The following NALF1 variants were observed in gnomAD, a reference collection of about 807,000 sequenced individuals.
NALF1 encodes the protein NALCN channel auxiliary factor 1.
Under a neutral mutation model 48.4 loss-of-function variants are expected in NALF1, and 3 were observed. That is an observed-to-expected ratio of 0.06 (90% CI 0.03 to 0.16). The LOEUF is 0.16. Ranked by LOEUF, NALF1 falls within the 10% of genes least tolerant of loss-of-function variation. NALF1 has a pLI of 1.00. For synonymous variants in NALF1, 262 were observed against 245.7 expected, an observed-to-expected ratio of 1.07 and a Z score of -0.62; for missense variants, 526 against 571.5, an observed-to-expected ratio of 0.92 and a Z score of 0.81.
chr13:107,778,870 T>C (rs904645788), intron 1 of NALF1, among the ~76,000 whole-genome samples: 2 of 152,240 alleles, frequency 1.3e-5, no homozygotes, highest in African/African-American at 4.8e-5. Flanking sequence ...CAGTTCTCAC[T>C]ATCCAACTAT....
At position 107,494,496 on chromosome 13, in the gene NALF1, C is replaced by G. The variant is rs777797391; in HGVS notation, c.916-283741G>C. On this transcript the variant is annotated intron_variant, in intron 1 of 2. Transcript: ENST00000375915. ...TAGATATGGCATAGAACGGTCTATC[C>G]ATGGTTGCCTGTGCTGTTTGTCCCC... Among the ~76,000 whole-genome samples the G allele has an allele frequency of 1.2e-4, 19 of 152,132 alleles. 1 individual carries two copies. Among genetic ancestry groups the G allele is most frequent in the Non-Finnish European group, 2.5e-4 (17 of 68,030 alleles).
intron 1 of NALF1, among the ~76,000 whole-genome samples, chr13:107,473,929 T>C (rs1413653367): frequency 6.6e-6 from 1 of 152,102 alleles, no homozygotes; most frequent in Non-Finnish European, 1.5e-5. Flanking sequence ...CTTGTATGTG[T>C]TTTTCCCTGT....
At chr13:107,352,811 A>T (rs776554937) in intron 1 of NALF1, among the ~76,000 whole-genome samples, 1 of 152,166 alleles carries the variant, frequency 6.6e-6, no homozygotes, top group Non-Finnish European at 1.5e-5. Context: ...ATACAAGAAG[A>T]GACCTTTTCT....
At chr13:107,521,924 T>TACAC (rs894148949) in intron 1 of NALF1, among the ~76,000 whole-genome samples, 61 of 148,250 alleles carry the variant, frequency 4.1e-4, no homozygotes, top group Non-Finnish European at 7.0e-4. Flanking sequence ...TTCTTCAACT[T>TACAC]ACACACACAC....
At chr13:107,295,207 T>G (rs1350430644) in intron 1 of NALF1, among the ~76,000 whole-genome samples, 2 of 152,194 alleles carry the variant, frequency 1.3e-5, no homozygotes, top group Non-Finnish European at 2.9e-5. Context: ...GTACTCAATG[T>G]TTAGTTCCTG....
chr13:107,624,915 A>C (rs1423386586), intron 1 of NALF1, among the ~76,000 whole-genome samples: 1 of 152,224 alleles, frequency 6.6e-6, no homozygotes, highest in Non-Finnish European at 1.5e-5. Context: ...TTTCCAGAGG[A>C]AAAAGTAAAT....
At chr13:107,826,491 T>C (rs574882775) in intron 1 of NALF1, among the ~76,000 whole-genome samples, 2 of 152,248 alleles carry the variant, frequency 1.3e-5, no homozygotes, top group South Asian at 2.1e-4. Flanking sequence ...TGTATAACAG[T>C]CCAGTATGAA....
At chr13:107,585,780 G>T (rs11618084) in intron 1 of NALF1, among the ~76,000 whole-genome samples, 80,968 of 151,796 alleles carry the variant, frequency 0.53, 22,334 homozygotes, top group African/African-American at 0.64. Flanking sequence ...TTATTTTTTC[G>T]GCCATTACCA....
intron 1 of NALF1, among the ~76,000 whole-genome samples, chr13:107,228,456 C>G (rs1181178706): frequency 6.6e-6 from 1 of 152,206 alleles, no homozygotes; most frequent in African/African-American, 2.4e-5. Context: ...CAATGTAAAC[C>G]TCTGCCTGCA....
chr13:107,287,161 G>A (rs1027388454), intron 1 of NALF1, among the ~76,000 whole-genome samples: 1 of 152,152 alleles, frequency 6.6e-6, no homozygotes, highest in Non-Finnish European at 1.5e-5. Flanking sequence ...TGCTGTTAGT[G>A]ACTAAAAACA....
At chr13:107,219,965 T>C (rs1431138680) in intron 1 of NALF1, among the ~76,000 whole-genome samples, 1 of 152,248 alleles carries the variant, frequency 6.6e-6, no homozygotes, top group East Asian at 1.9e-4. Flanking sequence ...ATAATGCTTT[T>C]GGTATGTATC....
intron 1 of NALF1, among the ~76,000 whole-genome samples, chr13:107,837,584 G>T (rs952527500): frequency 1.3e-5 from 2 of 152,140 alleles, no homozygotes; most frequent in Non-Finnish European, 2.9e-5. Flanking sequence ...AAAGAGAGGG[G>T]AGATGCTGAG....
chr13:107,379,135 C>A (rs1665561136), intron 1 of NALF1, among the ~76,000 whole-genome samples: 1 of 152,256 alleles, frequency 6.6e-6, no homozygotes, highest in African/African-American at 2.4e-5. Flanking sequence ...TATAGACCAC[C>A]TTGCAAGTTA....
At chr13:107,441,234 T>C (rs1884554077) in intron 1 of NALF1, among the ~76,000 whole-genome samples, 1 of 152,148 alleles carries the variant, frequency 6.6e-6, no homozygotes, top group Non-Finnish European at 1.5e-5. Context: ...TCACTGTTGG[T>C]CCAACCAACA....
chr13:107,632,159 T>C lies in NALF1; in HGVS notation c.915+233523A>G, dbSNP rs539763256. Among the ~76,000 whole-genome samples the C allele has an allele frequency of 9.8e-5, 15 of 152,328 alleles. No individual in the cohort carries two copies. In the South Asian group the frequency reaches 2.9e-3, roughly 29 times the overall value. ...CACATCAGGGTATTATAAGTGTCTG[T>C]AATAGGATATCAGCATTTTAAACGC... On this transcript the variant is annotated intron_variant, in intron 1 of 2. Coordinates refer to ENST00000375915, the MANE Select transcript of NALF1 (RefSeq NM_001080396.3).
chr13:107,717,855 T>C (rs941011496), intron 1 of NALF1, among the ~76,000 whole-genome samples: 3 of 152,164 alleles, frequency 2.0e-5, no homozygotes, highest in Non-Finnish European at 2.9e-5. Flanking sequence ...TGGGATATAA[T>C]GTATCTAGAT....
intron 1 of NALF1, among the ~76,000 whole-genome samples, chr13:107,700,523 A>T (rs576875946): frequency 6.6e-6 from 1 of 152,184 alleles, no homozygotes; most frequent in Middle Eastern, 3.4e-3. Flanking sequence ...TATGACCATA[A>T]AATTCCAAGA....
At chr13:107,519,240 C>A (rs1038433697) in intron 1 of NALF1, among the ~76,000 whole-genome samples, 2 of 152,094 alleles carry the variant, frequency 1.3e-5, no homozygotes, top group Admixed American at 6.6e-5. Flanking sequence ...AAAAAAAATT[C>A]TCTGGTCACT....
chr13:107,223,799 G>A (rs1880042932), intron 1 of NALF1, among the ~76,000 whole-genome samples: 1 of 152,168 alleles, frequency 6.6e-6, no homozygotes, highest in South Asian at 2.1e-4. Context: ...ATAGAGTTAA[G>A]AATATAAGTA....
Sources: gnomAD v4.1 joint callset for allele counts (sites outside exome capture counted in the v4.1 genomes callset) on GRCh38, gnomAD v4.1.1 for gene constraint, MANE v1.5 for transcripts, NCBI Gene and HGNC (gene_info 2026-07-23, HGNC 2026-07-21) for gene names.